Variants in HDAC4 observed in about 807,000 individuals in gnomAD.
The protein encoded by HDAC4 is histone deacetylase 4, also known as histone deacetylase A.
Under a neutral mutation model 135.1 loss-of-function variants are expected in HDAC4, and 16 were observed. The ratio of observed to expected loss-of-function variants is 0.12; its 90% CI spans 0.08 to 0.18. The LOEUF (loss-of-function observed/expected upper bound fraction) is 0.18. Ranked by LOEUF, HDAC4 falls within the 10% of genes least tolerant of loss-of-function variation. The pLI is 1.00. For missense variants in HDAC4, 1,143 were observed against 1,511.8 expected, an observed-to-expected ratio of 0.76 and a Z score of 4.05; for synonymous variants, 685 against 653.4, an observed-to-expected ratio of 1.05 and a Z score of -0.74.
chr2:239,216,371 T>C (rs1204849609), intron 3 of HDAC4, among the ~76,000 whole-genome samples: 1 of 151,688 alleles, frequency 6.6e-6, no homozygotes, highest in Non-Finnish European at 1.5e-5. Context: ...AGAGCTGATG[T>C]TCTCATGTTC....
chr2:239,053,333 C>A (rs2031184225), intron 26 of HDAC4, 127 bp downstream of exon 26: 3 of 1,375,996 alleles, frequency 2.2e-6, no homozygotes, highest in Non-Finnish European at 3.0e-6. Context: ...AAGGAGGGGG[C>A]CACACTGGCC....
chr2:239,236,488 C>T (rs928579570), intron 3 of HDAC4, 105 bp downstream of exon 3: 129 of 885,144 alleles, frequency 1.5e-4, no homozygotes, highest in Middle Eastern at 3.1e-4. Flanking sequence ...TACCCCACAC[C>T]TCCCCCCTCG....
In HDAC4 at chr2:239,090,029, C is replaced by T. The variant is rs2290085; in HGVS notation, c.2368G>A (p.Val790Met). The T allele has an allele frequency of 6.2e-7, 1 of 1,613,756 alleles. No homozygotes were observed. The highest frequency in any genetic ancestry group is 2.2e-5 in the East Asian group (1 of 44,878). Residue 790 changes from valine (V) to methionine (M), a missense_variant, in exon 18 of 27, where the codon GTG becomes ATG. Physicochemically the swap from Val to Met is conservative, Grantham distance 21 (BLOSUM62 1). Transcript: ENST00000543185. ...CTGACCTTCAGCTCCCCTGTGGCCA[C>T]CTTGAAGACCAGCTCTACCACGCAG... ...VGCVVELVFK[V>M]ATGELKNGFA...
chr2:239,157,599 C>G (rs983940799), intron 6 of HDAC4, among the ~76,000 whole-genome samples: 1 of 152,218 alleles, frequency 6.6e-6, no homozygotes, highest in African/African-American at 2.4e-5. Context: ...ACTGACAGCT[C>G]AGTCTTGCTC....
intron 4 of HDAC4, among the ~76,000 whole-genome samples, chr2:239,180,613 C>G (rs2044086234): frequency 6.6e-6 from 1 of 152,210 alleles, no homozygotes; most frequent in Non-Finnish European, 1.5e-5. Flanking sequence ...AAGTAAAGCC[C>G]CCAGCCCAGA....
chr2:239,090,019 C>T lies in HDAC4; in HGVS notation c.2378G>A (p.Gly793Glu). 1 of 1,613,232 alleles carries T rather than the reference C, an allele frequency of 6.2e-7. No individual in the cohort carries two copies. Among genetic ancestry groups the T allele is most frequent in the Non-Finnish European group, 8.5e-7 (1 of 1,179,372 alleles). ...CAGGCCCCGACTGACCTTCAGCTCCCCTGTGGCCACCTTGAAGACCAGCTC... is the reference window on the plus strand; with the variant it reads ...CAGGCCCCGACTGACCTTCAGCTCCTCTGTGGCCACCTTGAAGACCAGCTC... Reference protein sequence around the residue: ...VVELVFKVATGELKNGFAVVR... With the variant: ...VVELVFKVATEELKNGFAVVR... The change falls in exon 18 of 27, where the codon GGG (glycine) becomes GAG (glutamate). Residue 793 changes from glycine to glutamate, a missense_variant. Around this residue, in one of 9 missense-constraint regions of HDAC4, gnomAD observed 189 missense variants for 317.6 expected, o/e 0.60. Coordinates refer to ENST00000543185, the MANE Select transcript of HDAC4 (RefSeq NM_001378414.1).
chr2:239,238,512 G>A (rs1200402225), intron 2 of HDAC4, among the ~76,000 whole-genome samples: 2 of 152,160 alleles, frequency 1.3e-5, no homozygotes, highest in Non-Finnish European at 2.9e-5. Context: ...TGCCTCCCCT[G>A]TAGTCAGCTC....
At chr2:239,388,965 C>T (rs113525800) in intron 1 of HDAC4, among the ~76,000 whole-genome samples, 2,057 of 152,268 alleles carry the variant, frequency 0.014, 37 homozygotes, top group African/African-American at 0.047. Context: ...AGAACCCTGC[C>T]GAGGGCTTCT....
chr2:239,287,216 C>T (rs1049060760), intron 2 of HDAC4, among the ~76,000 whole-genome samples: 7 of 152,200 alleles, frequency 4.6e-5, no homozygotes, highest in African/African-American at 1.7e-4. Context: ...TTCTGAGACC[C>T]CACCCAGGAC....
At chr2:239,135,336 C>G (rs1029028396) in intron 9 of HDAC4, among the ~76,000 whole-genome samples, 1 of 152,096 alleles carries the variant, frequency 6.6e-6, no homozygotes, top group Non-Finnish European at 1.5e-5. Context: ...ATGAGGCAGA[C>G]GAGGGTCAGC....
At chr2:239,227,489 G>C (rs1005693865) in intron 3 of HDAC4, among the ~76,000 whole-genome samples, 1 of 152,176 alleles carries the variant, frequency 6.6e-6, no homozygotes, top group Non-Finnish European at 1.5e-5. Context: ...GGTCCCGCCA[G>C]CCTCAGTGCC....
intron 2 of HDAC4, among the ~76,000 whole-genome samples, chr2:239,304,816 C>G (rs572123962): frequency 6.6e-6 from 1 of 152,238 alleles, no homozygotes; most frequent in Admixed American, 6.5e-5. Flanking sequence ...AGAAACAAGG[C>G]CCCCTTGGGG....
chr2:239,269,544 G>C lies in HDAC4; in HGVS notation c.23-32880C>G, dbSNP rs533488965. Among the ~76,000 whole-genome samples, 127 of 152,328 alleles carry C rather than the reference G, an allele frequency of 8.3e-4. 1 individual carries two copies. The highest frequency in any genetic ancestry group is 3.0e-3 in the African/African-American group (125 of 41,578). On this transcript the variant is annotated intron_variant, in intron 2 of 26. Transcript: ENST00000543185. ...GCAAGCTCCATTCTTCAGAACCCCA[G>C]TTTTCCCCACTGAATGAGAAGCATG...
At chr2:239,108,228 G>C in intron 14 of HDAC4, 45 bp from the exon 15 acceptor site, 1 of 1,565,870 alleles carries the variant, frequency 6.4e-7, no homozygotes, top group Non-Finnish European at 8.6e-7. Flanking sequence ...ATCCAGGGGC[G>C]AGCCGACCAC....
chr2:239,153,871 G>C (rs540805983), intron 7 of HDAC4, among the ~76,000 whole-genome samples: 1 of 152,346 alleles, frequency 6.6e-6, no homozygotes, highest in East Asian at 1.9e-4. Context: ...GAGATGGCGC[G>C]GGCCCTGCCT....
chr2:239,187,473 C>CAGGCTGCAGGGAT (rs1214393138), intron 4 of HDAC4, among the ~76,000 whole-genome samples: 6 of 152,364 alleles, frequency 3.9e-5, no homozygotes, highest in Admixed American at 1.3e-4. Context: ...AAGCCCTGGG[C>CAGGCTGCAGGGAT]AGGCTGCAGG....
intron 18 of HDAC4, 145 bp downstream of exon 18, chr2:239,089,864 T>C: frequency 1.4e-6 from 1 of 699,944 alleles, no homozygotes; most frequent in South Asian, 1.5e-5. Flanking sequence ...ATAGCGAGGC[T>C]GTGCTGACAG....
At chr2:239,302,656 C>G (rs756736925) in intron 2 of HDAC4, among the ~76,000 whole-genome samples, 3 of 152,214 alleles carry the variant, frequency 2.0e-5, no homozygotes, top group Non-Finnish European at 4.4e-5. Flanking sequence ...CCTCAACCCT[C>G]GAGCCAGGAC....
chr2:239,204,957 G>A (rs570505448), intron 3 of HDAC4, among the ~76,000 whole-genome samples: 6 of 152,252 alleles, frequency 3.9e-5, no homozygotes, highest in Admixed American at 2.6e-4. Context: ...AGGTGTCTGT[G>A]CTCCTCCCTA....
Sources: allele counts gnomAD v4.1 joint callset (sites outside exome capture counted in the v4.1 genomes callset), GRCh38; gene constraint gnomAD v4.1.1; regional missense constraint gnomAD v4.1.1; transcripts MANE v1.5; gene names NCBI Gene and HGNC (gene_info 2026-07-23, HGNC 2026-07-21).